GAB2: variants seen among roughly 807,000 people sequenced by gnomAD.
GAB2 encodes GRB2 associated binding protein 2.
A neutral mutation model predicts 65.5 loss-of-function variants in GAB2; 26 were observed. The ratio of observed to expected loss-of-function variants is 0.40; its 90% confidence interval spans 0.29 to 0.55. The LOEUF (loss-of-function observed/expected upper bound fraction) is 0.55. Ranked by LOEUF, GAB2 falls within the 20% of genes least tolerant of loss-of-function variation. The probability of loss-of-function intolerance (pLI) is 0.53; values close to 1 mark genes in which losing one functional copy is unlikely to be tolerated. For synonymous variants in GAB2, 321 were observed against 329.6 expected (o/e 0.97, Z 0.28); for missense variants, 884 against 875.8 (o/e 1.01, Z -0.12).
intron 1 of GAB2, among the ~76,000 whole-genome samples, chr11:78,317,394 T>C (rs1855629794): frequency 6.6e-6 from 1 of 152,032 alleles, no homozygotes; most frequent in Non-Finnish European, 1.5e-5. Flanking sequence ...ACCCCATCTC[T>C]ACTAAAAATA....
At chr11:78,272,519 G>A (rs1018553255) in intron 2 of GAB2, among the ~76,000 whole-genome samples, 1 of 152,152 alleles carries the variant, frequency 6.6e-6, no homozygotes, top group African/African-American at 2.4e-5. Flanking sequence ...GATGATTCAG[G>A]GCATCTGGGG....
chr11:78,287,651 T>TTTC (rs1554983704), intron 1 of GAB2, among the ~76,000 whole-genome samples: 1 of 140,392 alleles, frequency 7.1e-6, no homozygotes, highest in East Asian at 2.0e-4. Context: ...CTCTTATCAT[T>TTTC]TTTTTTTTTT....
chr11:78,339,414 G>C (rs1350691850), intron 1 of GAB2, among the ~76,000 whole-genome samples: 1 of 152,148 alleles, frequency 6.6e-6, no homozygotes, highest in African/African-American at 2.4e-5. Context: ...CAATAGACAA[G>C]TGTCATTTCA....
chr11:78,396,740 G>C (rs1231785669), intron 1 of GAB2, among the ~76,000 whole-genome samples: 2 of 152,174 alleles, frequency 1.3e-5, no homozygotes, highest in East Asian at 3.8e-4. Context: ...TGAGATTACA[G>C]GCATGTGCCA....
chr11:78,263,005 G>A (rs1377975940), intron 2 of GAB2, among the ~76,000 whole-genome samples: 1 of 152,212 alleles, frequency 6.6e-6, no homozygotes, highest in Non-Finnish European at 1.5e-5. Context: ...ACAAAGTACA[G>A]ATGACAAAGC....
intron 1 of GAB2, among the ~76,000 whole-genome samples, chr11:78,377,185 A>G (rs977112601): frequency 1.3e-5 from 2 of 152,184 alleles, no homozygotes; most frequent in African/African-American, 2.4e-5. Flanking sequence ...TCAGGTATTT[A>G]TTTCTAGCAC....
intron 2 of GAB2, among the ~76,000 whole-genome samples, chr11:78,274,913 A>G (rs553707070): frequency 2.5e-4 from 38 of 152,242 alleles, no homozygotes; most frequent in Non-Finnish European, 4.8e-4. Context: ...GGCCTGGGTT[A>G]GACTAGAATC....
chr11:78,356,967 G>A (rs1291877572), intron 1 of GAB2, among the ~76,000 whole-genome samples: 1 of 152,160 alleles, frequency 6.6e-6, no homozygotes, highest in African/African-American at 2.4e-5. Flanking sequence ...ACAAAAAGTA[G>A]AACAATGGTT....
intron 1 of GAB2, among the ~76,000 whole-genome samples, chr11:78,336,625 T>A (rs760517776): frequency 1.3e-5 from 2 of 152,126 alleles, no homozygotes; most frequent in Non-Finnish European, 2.9e-5. Flanking sequence ...TGCTTTGTTT[T>A]ATAAAATAGA....
intron 1 of GAB2, among the ~76,000 whole-genome samples, chr11:78,398,580 T>TA (rs542434426): frequency 2.6e-4 from 40 of 152,212 alleles, no homozygotes; most frequent in Non-Finnish European, 4.7e-4. Context: ...TTTTCATAAT[T>TA]AAAAATTGGA....
chr11:78,274,018 T>C (rs599492), intron 2 of GAB2, among the ~76,000 whole-genome samples: 1 of 152,166 alleles, frequency 6.6e-6, no homozygotes, highest in African/African-American at 2.4e-5. Flanking sequence ...TTTTTTGTTT[T>C]GTTTTTGTAA....
intron 1 of GAB2, among the ~76,000 whole-genome samples, chr11:78,358,400 A>G (rs1225118122): frequency 1.3e-5 from 2 of 150,058 alleles, no homozygotes; most frequent in Non-Finnish European, 1.5e-5. Context: ...CATATGTAAC[A>G]AACCTGCATG....
In GAB2 at chr11:78,219,169, TAG is replaced by T; in HGVS notation, c.*101_*102del. On this transcript the variant is annotated 3_prime_UTR_variant, in exon 10 of 10. Coordinates refer to ENST00000361507, the MANE Select transcript of GAB2 (RefSeq NM_080491.3). ...GCTTTGAAGGCTGAGACTGGCAGAGTAGAGAGGAGGTGGATGGGAGGAAGAAC... is the reference window on the plus strand; with the variant it reads ...GCTTTGAAGGCTGAGACTGGCAGAGTAGAGGAGGTGGATGGGAGGAAGAAC... 4 of 1,082,420 alleles carry T rather than the reference TAG, an allele frequency of 3.7e-6. No individual in the cohort carries two copies. Among genetic ancestry groups the T allele is most frequent in the Non-Finnish European group, 5.4e-6 (4 of 734,254 alleles). The allele number at this position is 1,082,420 out of a possible 1,614,324, so 67.1% of individuals were successfully genotyped here.
At chr11:78,273,102 A>C (rs1217679309) in intron 2 of GAB2, among the ~76,000 whole-genome samples, 2 of 152,252 alleles carry the variant, frequency 1.3e-5, no homozygotes, top group Non-Finnish European at 2.9e-5. Context: ...TGGGGCCCTC[A>C]TGGAAAACCT....
At chr11:78,312,212 C>A (rs1855514123) in intron 1 of GAB2, among the ~76,000 whole-genome samples, 1 of 151,680 alleles carries the variant, frequency 6.6e-6, no homozygotes, top group Admixed American at 6.6e-5. Context: ...GGTAATTTCC[C>A]TACAGTTCTT....
chr11:78,262,186 T>G (rs959873682), intron 2 of GAB2, among the ~76,000 whole-genome samples: 6 of 152,156 alleles, frequency 3.9e-5, no homozygotes, highest in African/African-American at 1.4e-4. Context: ...ATCTACATAA[T>G]TCTCTGAAGG....
chr11:78,379,475 T>C (rs1185354378), intron 1 of GAB2, among the ~76,000 whole-genome samples: 1 of 152,244 alleles, frequency 6.6e-6, no homozygotes, highest in Non-Finnish European at 1.5e-5. Context: ...AGCTTCTTTT[T>C]AGGAAAGGGT....
At position 78,284,464 on chromosome 11, in the gene GAB2, C is replaced by T. The variant is rs1866418954; in HGVS notation, c.76-3563G>A. On this transcript the variant is annotated intron_variant, in intron 1 of 9. Coordinates refer to ENST00000361507, the MANE Select transcript of GAB2 (RefSeq NM_080491.3). ...GGCCTGATGGGACTGAGCCTCATCC[C>T]ACCCCTCACCTCAGCTCCTGCTGCC... Among the ~76,000 whole-genome samples the T allele has an allele frequency of 2.6e-5, 4 of 152,348 alleles. No individual in the cohort carries two copies. In the South Asian group the frequency reaches 8.3e-4, roughly 32 times the overall value.
In GAB2 at chr11:78,215,972, A is replaced by T. The variant is rs1864119122; in HGVS notation, c.*3300T>A. On this transcript the variant is annotated 3_prime_UTR_variant, in exon 10 of 10. Coordinates refer to ENST00000361507, the MANE Select transcript of GAB2 (RefSeq NM_080491.3). ...GAATGGTTGTGCTTTTGTCACAGGAATGGGGCATACTTTGTTAACTTCTAC... is the reference window on the plus strand; with the variant it reads ...GAATGGTTGTGCTTTTGTCACAGGATTGGGGCATACTTTGTTAACTTCTAC... 6.5e-6 allele frequency: 1 copy of T among 152,692 alleles called. No homozygotes were observed. Among genetic ancestry groups the T allele is most frequent in the Non-Finnish European group, 1.5e-5 (1 of 68,078 alleles). 9.5% of individuals were successfully genotyped at this position (152,692 alleles called of 1,614,324 possible). A position where few individuals can be genotyped will look rare whatever the true frequency, so the allele number is the denominator to read the frequency against.
Sources: allele counts gnomAD v4.1 joint callset (sites outside exome capture counted in the v4.1 genomes callset), GRCh38; gene constraint gnomAD v4.1.1; transcripts MANE v1.5; gene names NCBI Gene and HGNC (gene_info 2026-07-23, HGNC 2026-07-21).